OPHN1: variants seen among roughly 807,000 people sequenced by gnomAD.
The protein encoded by OPHN1 is oligophrenin-1.
A neutral mutation model predicts 60.7 loss-of-function variants in OPHN1; 11 were observed. The ratio of observed to expected loss-of-function variants is 0.18; its 90% confidence interval spans 0.11 to 0.30. The LOEUF is 0.30. Among genes scored for constraint, OPHN1 ranks in the 10% least tolerant of loss-of-function variants. The pLI is 1.00. For missense variants in OPHN1, 449 were observed against 611.0 expected (o/e 0.73, Z 2.80); for synonymous variants, 226 against 222.6 (o/e 1.02, Z -0.14).
chrX:68,310,012 C>A (rs2078165297), intron 2 of OPHN1, among the ~76,000 whole-genome samples: 1 of 111,834 alleles, frequency 8.9e-6, no homozygotes, highest in Non-Finnish European at 1.9e-5. Context: ...TAAACAGAAA[C>A]CAGGTAAAAC....
intron 2 of OPHN1, among the ~76,000 whole-genome samples, chrX:68,333,425 C>T (rs2078305449): frequency 1.8e-5 from 2 of 110,487 alleles, no homozygotes; most frequent in African/African-American, 3.3e-5. Context: ...CACCTGAGGC[C>T]GGGAGTTTGA....
intron 2 of OPHN1, among the ~76,000 whole-genome samples, chrX:68,344,243 CATCGACCAACCA>C (rs2078368246): frequency 8.9e-6 from 1 of 111,863 alleles, no homozygotes; most frequent in Non-Finnish European, 1.9e-5. Context: ...CCATCCCTTT[CATCGACCAACCA>C]ATGGGTATTT....
chrX:68,261,526 G>A (rs1361073910), intron 5 of OPHN1, among the ~76,000 whole-genome samples: 2 of 111,161 alleles, frequency 1.8e-5, no homozygotes, highest in Non-Finnish European at 3.8e-5. Flanking sequence ...GCGAATAGTG[G>A]TGAGAACAGT....
At chrX:68,132,169 T>C (rs980739613) in intron 15 of OPHN1, among the ~76,000 whole-genome samples, 2 of 110,880 alleles carry the variant, frequency 1.8e-5, no homozygotes, top group Non-Finnish European at 3.8e-5. Context: ...GAACTAGAAA[T>C]ACCATTTGAC....
intron 2 of OPHN1, among the ~76,000 whole-genome samples, chrX:68,376,208 C>A (rs1025707486): frequency 9.0e-6 from 1 of 111,596 alleles, no homozygotes; most frequent in African/African-American, 3.3e-5. Context: ...AAGCACAATC[C>A]CTGCCCTCAA....
chrX:68,403,129 T>A (rs775980412), intron 2 of OPHN1, among the ~76,000 whole-genome samples: 1 of 112,002 alleles, frequency 8.9e-6, no homozygotes, highest in Non-Finnish European at 1.9e-5. Flanking sequence ...TAAGATACAG[T>A]CCTAGCCGCC....
At chrX:68,433,135 C>T in intron 1 of OPHN1, 33 bp downstream of exon 1, 1 of 759,437 alleles carries the variant, frequency 1.3e-6, no homozygotes, top group South Asian at 2.8e-5. Flanking sequence ...CTTAAGGAAG[C>T]TCATAGCCTC....
chrX:68,284,331 C>G (rs1237672701), intron 3 of OPHN1, among the ~76,000 whole-genome samples: 1 of 110,025 alleles, frequency 9.1e-6, no homozygotes, highest in Non-Finnish European at 1.9e-5. Context: ...TCTATCTCCT[C>G]AAAATCTCAT....
intron 2 of OPHN1, among the ~76,000 whole-genome samples, chrX:68,394,094 A>G (rs1019404190): frequency 3.8e-5 from 4 of 106,396 alleles, no homozygotes; most frequent in African/African-American, 1.3e-4. Context: ...ACGGGGTTTC[A>G]CCGTGTTCGC....
chrX:68,173,992 A>T (rs1298210985), intron 15 of OPHN1, among the ~76,000 whole-genome samples: 1 of 112,156 alleles, frequency 8.9e-6, no homozygotes, highest in Non-Finnish European at 1.9e-5. Flanking sequence ...ACCAAGAATG[A>T]TCTGAGTGCC....
chrX:68,053,948 ATTTTT>A lies in OPHN1; in HGVS notation c.2159-143_2159-139del. On this transcript the variant is annotated intron_variant, in intron 21 of 24. Transcript: ENST00000355520. ...TTCTTGGTGACTAACAACTCTGGCT[ATTTTT>A]TTTTTTTTTTGTAATTTTTCTGGCA... 4 of 463,820 alleles carry A rather than the reference ATTTTT, an allele frequency of 8.6e-6. No homozygotes were observed. In the South Asian group the frequency reaches 1.5e-4, roughly 17 times the overall value. The allele number at this position is 463,820 out of a possible 1,213,427, so 38.2% of individuals were successfully genotyped here. A position where few individuals can be genotyped will look rare whatever the true frequency, so the allele number is the denominator to read the frequency against.
chrX:68,259,343 C>T (rs974765258), intron 5 of OPHN1, among the ~76,000 whole-genome samples: 10 of 110,694 alleles, frequency 9.0e-5, no homozygotes, highest in East Asian at 2.8e-4. Flanking sequence ...TTCAGCTACT[C>T]GGGTGGCTGC....
intron 2 of OPHN1, among the ~76,000 whole-genome samples, chrX:68,356,546 G>A (rs989094928): frequency 9.0e-6 from 1 of 110,562 alleles, no homozygotes; most frequent in Non-Finnish European, 1.9e-5. Context: ...CCGAGGAGCT[G>A]GGATTATAGG....
intron 12 of OPHN1, among the ~76,000 whole-genome samples, chrX:68,196,961 C>T (rs188670901): frequency 1.1e-4 from 12 of 111,801 alleles, no homozygotes; most frequent in African/African-American, 3.6e-4. Context: ...ATTCTAAGCC[C>T]GGTTTTGGTG....
At chrX:68,294,473 C>CAAAAAAAAA (rs570989143) in intron 3 of OPHN1, among the ~76,000 whole-genome samples, 1 of 10,657 alleles carries the variant, frequency 9.4e-5, no homozygotes, top group Non-Finnish European at 2.2e-4. Context: ...GACTCTATCA[C>CAAAAAAAAA]AAAAAAAAAA....
At chrX:68,127,239 A>G (rs2077175466) in intron 15 of OPHN1, among the ~76,000 whole-genome samples, 2 of 112,193 alleles carry the variant, frequency 1.8e-5, no homozygotes, top group South Asian at 7.4e-4. Flanking sequence ...TCTGGAAAAA[A>G]GCATTTACAG....
chrX:68,217,287 C>T (rs1305830691), intron 6 of OPHN1, among the ~76,000 whole-genome samples: 1 of 112,024 alleles, frequency 8.9e-6, no homozygotes, highest in African/African-American at 3.2e-5. Flanking sequence ...TACGCCCACG[C>T]AGTCTCGCTG....
intron 2 of OPHN1, among the ~76,000 whole-genome samples, chrX:68,301,652 A>T: frequency 9.0e-6 from 1 of 111,051 alleles, no homozygotes; most frequent in African/African-American, 3.3e-5. Flanking sequence ...GACACATTTA[A>T]TTCTTCATCA....
chrX:68,424,504 T>C (rs1290273434), intron 2 of OPHN1, among the ~76,000 whole-genome samples: 3 of 111,450 alleles, frequency 2.7e-5, no homozygotes, highest in African/African-American at 9.8e-5. Flanking sequence ...ATTTCCAGGG[T>C]ACTCCCATGG....
Sources: gnomAD v4.1 joint callset for allele counts (sites outside exome capture counted in the v4.1 genomes callset) on GRCh38, gnomAD v4.1.1 for gene constraint, MANE v1.5 for transcripts, NCBI Gene and HGNC (gene_info 2026-07-23, HGNC 2026-07-21) for gene names.